Variants in RNF123 observed in about 807,000 individuals in gnomAD.
RNF123 encodes E3 ubiquitin-protein ligase RNF123.
In RNF123, 86 loss-of-function variants were observed where a neutral mutation model predicts 168.5. The ratio of observed to expected loss-of-function variants is 0.51; its 90% CI spans 0.43 to 0.61. The LOEUF (loss-of-function observed/expected upper bound fraction) is 0.61. Ranked by LOEUF, RNF123 falls within the 20% of genes least tolerant of loss-of-function variation. The pLI is 0.00. For missense variants in RNF123, 1,419 were observed against 1,729.7 expected, an observed-to-expected ratio of 0.82 and a Z score of 3.19; for synonymous variants, 666 against 689.1, an observed-to-expected ratio of 0.97 and a Z score of 0.52.
In RNF123 at chr3:49,698,113, C is replaced by G. The variant is rs577981423; in HGVS notation, c.459C>G (p.Thr153=). The G allele has an allele frequency of 1.2e-6, 2 of 1,613,814 alleles. No homozygotes were observed. Among genetic ancestry groups the G allele is most frequent in the African/African-American group, 2.7e-5 (2 of 75,002 alleles). The change falls in exon 7 of 39, where the codon ACC becomes ACG. Residue 153 remains threonine (T), a synonymous_variant. Coordinates refer to ENST00000327697, the MANE Select transcript of RNF123 (RefSeq NM_022064.5). ...SQGLMQIGWC[T]ISCRFNQEEG... ...GGCTCATGCAGATCGGCTGGTGCAC[C>G]ATCAGCTGCCGCTTCAACCAGGAGG...
intron 5 of RNF123, 54 bp from the exon 6 acceptor site, chr3:49,697,831 G>A (rs2054298704): frequency 2.2e-5 from 35 of 1,608,114 alleles, no homozygotes; most frequent in Non-Finnish European, 3.0e-5. Context: ...TTTTCCCTTG[G>A]GGAGATGCTC....
chr3:49,721,417 A>C lies in RNF123; in HGVS notation c.*112A>C. 7.2e-7 allele frequency: 1 copy of C among 1,386,552 alleles called. No homozygotes were observed. The highest frequency in any genetic ancestry group is 1.0e-6 in the Non-Finnish European group (1 of 976,424). The allele number at this position is 1,386,552 out of a possible 1,614,324, so 85.9% of individuals were successfully genotyped here. ...CCTGTATCCCACACCACCACATCCA[A>C]CCTCCTTGCCTGCCTGTATCCTCAT... On this transcript the variant is annotated 3_prime_UTR_variant, in exon 39 of 39. Coordinates refer to ENST00000327697, the MANE Select transcript of RNF123 (RefSeq NM_022064.5).
intron 1 of RNF123, among the ~76,000 whole-genome samples, chr3:49,690,504 A>T (rs1181280632): frequency 2.0e-5 from 3 of 152,218 alleles, no homozygotes; most frequent in East Asian, 3.8e-4. Context: ...CACTAGGAGG[A>T]CCAATGGAGT....
At chr3:49,718,828 C>T in intron 35 of RNF123, 1 of 1,613,402 alleles carries the variant, frequency 6.2e-7, no homozygotes, top group Non-Finnish European at 8.5e-7. Context: ...CAAGTAGAGG[C>T]CGTTCTTGAG....
At chr3:49,693,542 A>C (rs906957651) in intron 3 of RNF123, among the ~76,000 whole-genome samples, 2 of 151,440 alleles carry the variant, frequency 1.3e-5, no homozygotes, top group Non-Finnish European at 2.9e-5. Context: ...TTTTTAGTAG[A>C]GATGGGGTTT....
intron 12 of RNF123, 159 bp from the exon 13 acceptor site, chr3:49,700,068 T>C (rs2054347674): frequency 1.5e-5 from 15 of 1,016,042 alleles, no homozygotes; most frequent in Non-Finnish European, 1.7e-5. Flanking sequence ...GGCCTTCTTG[T>C]CCCTCAGTCA....
intron 1 of RNF123, 29 bp downstream of exon 1, chr3:49,689,635 C>T (rs1559664251): frequency 1.3e-5 from 2 of 152,528 alleles, no homozygotes; most frequent in East Asian, 3.9e-4. Flanking sequence ...GGCTCTGAGC[C>T]TGGCGGGTTC....
intron 20 of RNF123, 128 bp downstream of exon 20, chr3:49,702,881 G>C: frequency 3.5e-6 from 5 of 1,417,352 alleles, no homozygotes; most frequent in Non-Finnish European, 4.8e-6. Flanking sequence ...CATCCTGCCT[G>C]GTTGAGTCCT....
At position 49,700,677 on chromosome 3, in the gene RNF123, G is replaced by C; in HGVS notation, c.1245G>C (p.Glu415Asp). ...TCACTATCGCCATCCTGAGGCATGA[G>C]AAGTCCCGCAAGTTTCTGCTTAGCA... ...LRLTIAILRH[E>D]KSRKFLLSNV... Residue 415 changes from glutamate to aspartate, a missense_variant, in exon 15 of 39, where the codon GAG becomes GAC. Glu to Asp is a conservative substitution (Grantham distance 45). Around this residue, in one of 5 missense-constraint regions of RNF123, gnomAD observed 349 missense variants for 344.9 expected, o/e 1.01. Coordinates refer to ENST00000327697, the MANE Select transcript of RNF123 (RefSeq NM_022064.5). 1 of 1,614,182 alleles carries C rather than the reference G, an allele frequency of 6.2e-7. No homozygotes were observed. The highest frequency in any genetic ancestry group is 8.5e-7 in the Non-Finnish European group (1 of 1,180,036).
In RNF123 at chr3:49,715,864, A is replaced by G; in HGVS notation, c.3193A>G (p.Ser1065Gly). The change falls in exon 33 of 39, where the codon AGC (serine) becomes GGC (glycine). Residue 1065 changes from serine to glycine, a missense_variant. Transcript: ENST00000327697. The part of the protein sequence containing the change: ...AERLERNFVD[S>G]RQLKVCATCF... ...GCGCCTGGAGCGGAACTTTGTGGAC[A>G]GCCGGCAGCTCAAGGTATGTGCCAC... 1.9e-6 allele frequency: 3 copies of G among 1,614,070 alleles called. No individual in the cohort carries two copies. Among genetic ancestry groups the G allele is most frequent in the Non-Finnish European group, 2.5e-6 (3 of 1,180,036 alleles).
chr3:49,714,282 C>T (rs1274326958), intron 31 of RNF123, 108 bp downstream of exon 31: 4 of 959,792 alleles, frequency 4.2e-6, no homozygotes, highest in Middle Eastern at 3.0e-4. Flanking sequence ...CTCTGGTTCC[C>T]CCATTGGGTC....
rs544468107 is a variant in RNF123 at position 49,711,677 on chromosome 3, T to C, written c.2497-802T>C. ...ACCGCACTCCAAGACACACGGGTGC[T>C]GTGGGTCTGGGCTGGGGCCTGAGGC... On this transcript the variant is annotated intron_variant, in intron 26 of 38. Transcript: ENST00000327697. Among the ~76,000 whole-genome samples the C allele has an allele frequency of 1.9e-4, 29 of 152,302 alleles. No homozygotes were observed. In the South Asian group the frequency reaches 4.1e-3, roughly 22 times the overall value.
chr3:49,709,275 G>T (rs575098969), intron 26 of RNF123, among the ~76,000 whole-genome samples: 1 of 150,534 alleles, frequency 6.6e-6, no homozygotes, highest in African/African-American at 2.4e-5. Flanking sequence ...GGGATTACAG[G>T]CATGTGCCAC....
At chr3:49,713,849 C>T in intron 29 of RNF123, 24 bp downstream of exon 29, 2 of 1,613,098 alleles carry the variant, frequency 1.2e-6, no homozygotes, top group Non-Finnish European at 1.7e-6. Flanking sequence ...GGGGGGCACA[C>T]ACCCTGGCCA....
Position 49,720,720 on chromosome 3 carries a change from G to A in RNF123, c.3643+67G>A, listed in dbSNP as rs2080385773. On this transcript the variant is annotated intron_variant, in intron 36 of 38. Transcript: ENST00000327697. ...GGTCGGGTCAGGAGCCTTAAGAACA[G>A]CAAAGTCCTAGGCTGGGAATATTCA... 5.0e-6 allele frequency: 8 copies of A among 1,605,826 alleles called. No homozygotes were observed. The East Asian group carries it at 1.8e-4, about 36-fold the overall frequency.
intron 3 of RNF123, among the ~76,000 whole-genome samples, chr3:49,695,690 T>G (rs1575519911): frequency 1.3e-5 from 2 of 152,322 alleles, no homozygotes; most frequent in African/African-American, 4.8e-5. Context: ...GCTTTCTGTC[T>G]GTGTGGATGA....
At position 49,720,887 on chromosome 3, in the gene RNF123, C is replaced by T; in HGVS notation, c.3731C>T (p.Ala1244Val). The T allele has an allele frequency of 1.2e-6, 2 of 1,614,134 alleles. No individual in the cohort carries two copies. Among genetic ancestry groups the T allele is most frequent in the Non-Finnish European group, 1.7e-6 (2 of 1,179,992 alleles). Residue 1244 changes from alanine to valine, a missense_variant, in exon 37 of 39, where the codon GCC (alanine) becomes GTC (valine). By Grantham distance (64) the Ala-to-Val change is moderately conservative (BLOSUM62 0). Around this residue, in one of 5 missense-constraint regions of RNF123, gnomAD observed 164 missense variants for 152.3 expected, o/e 1.08. Transcript: ENST00000327697. The part of the protein sequence containing the change: ...LTSASAQAAA[A>V]SLPTSEEDLC... Reference sequence around the variant, plus strand: ...TCTGCATCTGCCCAGGCAGCAGCTGCCTCCCTGGTGAGTGGGAACACGGTG... The same window carrying T: ...TCTGCATCTGCCCAGGCAGCAGCTGTCTCCCTGGTGAGTGGGAACACGGTG...
Position 49,712,546 on chromosome 3 carries a change from C to G in RNF123, c.2564C>G (p.Thr855Arg), listed in dbSNP as rs201817210. ...CGGACCATTGAGCACGGTGATCGCA[C>G]AGGGTCTCTCTTTGCCTTCATGCCC... ...CLRTIEHGDR[T>R]GSLFAFMPEF... is the part of the protein sequence containing the mutation. Residue 855 changes from threonine (T) to arginine (R), a missense_variant, in exon 27 of 39, where the codon ACA (threonine) becomes AGA (arginine). Physicochemically the swap from Thr to Arg is moderately conservative, Grantham distance 71. Transcript: ENST00000327697. The G allele has an allele frequency of 6.2e-7, 1 of 1,614,102 alleles. No individual in the cohort carries two copies. Among genetic ancestry groups the G allele is most frequent in the African/African-American group, 1.3e-5 (1 of 74,942 alleles).
chr3:49,715,234 C>T (rs991767545), intron 31 of RNF123, among the ~76,000 whole-genome samples: 1 of 152,216 alleles, frequency 6.6e-6, no homozygotes, highest in Non-Finnish European at 1.5e-5. Flanking sequence ...GCATCTAAGC[C>T]GCCCTGTTTA....
Sources: allele counts gnomAD v4.1 joint callset (sites outside exome capture counted in the v4.1 genomes callset), GRCh38; gene constraint gnomAD v4.1.1; regional missense constraint gnomAD v4.1.1; transcripts MANE v1.5; gene names NCBI Gene and HGNC (gene_info 2026-07-23, HGNC 2026-07-21).